Variants in PPP1R21 observed in about 807,000 individuals in gnomAD.
PPP1R21 encodes protein phosphatase 1 regulatory subunit 21.
A neutral mutation model predicts 112.8 loss-of-function variants in PPP1R21; 85 were observed. The ratio of observed to expected loss-of-function variants is 0.75; its 90% CI spans 0.63 to 0.90. PPP1R21 has a LOEUF of 0.90. Among genes scored for constraint, PPP1R21 ranks in the 40% least tolerant of loss-of-function variants. PPP1R21 has a pLI of 0.00. For missense variants in PPP1R21, 1,199 were observed against 901.5 expected (o/e 1.33, Z -4.23); for synonymous variants, 381 against 322.3 (o/e 1.18, Z -1.95).
At chr2:48,457,016 C>T (rs553198627) in intron 3 of PPP1R21, among the ~76,000 whole-genome samples, 88 of 152,058 alleles carry the variant, frequency 5.8e-4, no homozygotes, top group Middle Eastern at 3.4e-3. Flanking sequence ...CACACCATTG[C>T]ACTCCAGCCT....
At chr2:48,495,916 A>G (rs1177307991) in intron 16 of PPP1R21, 145 bp downstream of exon 16, 1 of 554,412 alleles carries the variant, frequency 1.8e-6, no homozygotes, top group Non-Finnish European at 3.2e-6. Flanking sequence ...CTAAAAAGCA[A>G]ATAGACATAA....
Position 48,458,245 on chromosome 2 carries a change from T to A in PPP1R21, c.375+18T>A. 6.5e-7 allele frequency: 1 copy of A among 1,540,216 alleles called. No individual in the cohort carries two copies. The highest frequency in any genetic ancestry group is 9.0e-7 in the Non-Finnish European group (1 of 1,115,388). On this transcript the variant is annotated intron_variant, in intron 4 of 21. Coordinates refer to ENST00000294952, the MANE Select transcript of PPP1R21 (RefSeq NM_001135629.3). Reference sequence around the variant, plus strand: ...ATATACAAGTGAGAAAATCTGTTTTTCTATGTGAATTAAAAAATGGGTCTG... The same window carrying A: ...ATATACAAGTGAGAAAATCTGTTTTACTATGTGAATTAAAAAATGGGTCTG...
At chr2:48,464,819 C>A in intron 7 of PPP1R21, 118 bp from the exon 8 acceptor site, 5 of 656,086 alleles carry the variant, frequency 7.6e-6, no homozygotes, top group Non-Finnish European at 2.6e-6. Flanking sequence ...TATTGTTGAT[C>A]ATTTTAAATT....
intron 13 of PPP1R21, among the ~76,000 whole-genome samples, chr2:48,483,140 T>G (rs980461940): frequency 6.6e-6 from 1 of 151,850 alleles, no homozygotes; most frequent in Non-Finnish European, 1.5e-5. Context: ...GGCTGCATAG[T>G]GTTCTATGAC....
intron 2 of PPP1R21, among the ~76,000 whole-genome samples, chr2:48,453,197 G>A (rs918928134): frequency 6.6e-6 from 1 of 152,034 alleles, no homozygotes; most frequent in African/African-American, 2.4e-5. Flanking sequence ...CGAGTGATCC[G>A]CCCTCTTTAG....
At chr2:48,473,159 A>G (rs1042214109) in intron 11 of PPP1R21, among the ~76,000 whole-genome samples, 4 of 151,926 alleles carry the variant, frequency 2.6e-5, no homozygotes, top group African/African-American at 4.8e-5. Context: ...CTTACAAGAT[A>G]TTTCAGTAAC....
At chr2:48,447,011 A>C (rs1456818477) in intron 1 of PPP1R21, among the ~76,000 whole-genome samples, 1 of 152,204 alleles carries the variant, frequency 6.6e-6, no homozygotes, top group South Asian at 2.1e-4. Flanking sequence ...TCAGCCTCCT[A>C]AAGTGCTGTG....
At chr2:48,455,084 T>G (rs1156339147) in intron 3 of PPP1R21, among the ~76,000 whole-genome samples, 1 of 151,984 alleles carries the variant, frequency 6.6e-6, no homozygotes, top group Non-Finnish European at 1.5e-5. Flanking sequence ...GCGATCCACC[T>G]GCCTCGGCCT....
chr2:48,455,349 G>A (rs963259547), intron 3 of PPP1R21, among the ~76,000 whole-genome samples: 1 of 150,890 alleles, frequency 6.6e-6, no homozygotes, highest in Non-Finnish European at 1.5e-5. Flanking sequence ...CTCCATGTTG[G>A]TCAGGCTGGT....
intron 16 of PPP1R21, among the ~76,000 whole-genome samples, chr2:48,496,302 G>T (rs575850881): frequency 6.6e-6 from 1 of 152,078 alleles, no homozygotes; most frequent in African/African-American, 2.4e-5. Context: ...CTCTCTCTCT[G>T]ATCTTCTCTT....
intron 17 of PPP1R21, among the ~76,000 whole-genome samples, chr2:48,500,374 T>C (rs1670054014): frequency 6.6e-6 from 1 of 152,068 alleles, no homozygotes; most frequent in African/African-American, 2.4e-5. Context: ...AGATACTAGA[T>C]ATACAGATGT....
chr2:48,490,891 A>G (rs1669533582), intron 14 of PPP1R21, 127 bp from the exon 15 acceptor site: 1 of 724,984 alleles, frequency 1.4e-6, no homozygotes, highest in South Asian at 1.8e-5. Flanking sequence ...ACTTTGGGGC[A>G]GGTGTTGAAA....
chr2:48,508,200 T>C (rs137976612), intron 19 of PPP1R21, among the ~76,000 whole-genome samples: 3 of 151,918 alleles, frequency 2.0e-5, no homozygotes, highest in Admixed American at 2.0e-4. Context: ...AAACAAATGG[T>C]AAGGTAGAAT....
intron 12 of PPP1R21, among the ~76,000 whole-genome samples, chr2:48,477,140 T>TTTA (rs1228795055): frequency 4.0e-5 from 6 of 149,296 alleles, no homozygotes; most frequent in East Asian, 2.0e-4. Flanking sequence ...TTTTTTTTTT[T>TTTA]AGACAGAGTC....
intron 13 of PPP1R21, among the ~76,000 whole-genome samples, chr2:48,482,770 C>CT (rs139502380): frequency 2.0e-5 from 3 of 150,516 alleles, no homozygotes; most frequent in Admixed American, 1.3e-4. Flanking sequence ...CATCAGATGA[C>CT]TTTTTTTTCC....
At chr2:48,445,285 C>A (rs549612295) in intron 1 of PPP1R21, among the ~76,000 whole-genome samples, 17 of 151,920 alleles carry the variant, frequency 1.1e-4, no homozygotes, top group African/African-American at 4.1e-4. Flanking sequence ...GCAGGGTAAC[C>A]GCTAGCCATG....
intron 9 of PPP1R21, 74 bp downstream of exon 9, chr2:48,465,716 C>A: frequency 7.4e-7 from 1 of 1,360,082 alleles, no homozygotes. Flanking sequence ...TAGACCTCTT[C>A]TGTGCACCAT....
At position 48,454,704 on chromosome 2, in the gene PPP1R21, A is replaced by T. The variant is rs769991344; in HGVS notation, c.236A>T (p.Glu79Val). ...LAKRVELLQD[E>V]LALSEPRGKK... is the part of the protein sequence containing the mutation. ...AAGAGGGTAGAACTACTTCAAGATGAACTAGCTCTAAGTGAACCACGAGGC... is the reference window on the plus strand; with the variant it reads ...AAGAGGGTAGAACTACTTCAAGATGTACTAGCTCTAAGTGAACCACGAGGC... The change falls in exon 3 of 22, where the codon GAA (glutamate) becomes GTA (valine). Residue 79 changes from glutamate to valine, a missense_variant. Glu to Val is a moderately radical substitution (Grantham distance 121, BLOSUM62 -2). Transcript: ENST00000294952. 1.9e-6 allele frequency: 3 copies of T among 1,614,166 alleles called. No individual in the cohort carries two copies. The highest frequency in any genetic ancestry group is 2.5e-6 in the Non-Finnish European group (3 of 1,179,984).
At chr2:48,505,092 T>TATG (rs1365233594) in intron 17 of PPP1R21, among the ~76,000 whole-genome samples, 24 of 152,378 alleles carry the variant, frequency 1.6e-4, no homozygotes, top group African/African-American at 5.8e-4. Flanking sequence ...TTATGCTTAC[T>TATG]CATGTCATAA....
Sources: allele counts gnomAD v4.1 joint callset (sites outside exome capture counted in the v4.1 genomes callset), GRCh38; gene constraint gnomAD v4.1.1; transcripts MANE v1.5; gene names NCBI Gene and HGNC (gene_info 2026-07-23, HGNC 2026-07-21).